NAB1: variants seen among roughly 807,000 people sequenced by gnomAD.
The protein encoded by NAB1 is NGFI-A binding protein 1, also known as NGFI-A-binding protein 1.
A neutral mutation model predicts 49.9 loss-of-function variants in NAB1; 25 were observed. That is an observed-to-expected ratio of 0.50 (90% confidence interval 0.37 to 0.70). NAB1 has a LOEUF of 0.70. Ranked by LOEUF, NAB1 falls within the 30% of genes least tolerant of loss-of-function variation. The probability of loss-of-function intolerance (pLI) is 0.00; values close to 1 mark genes in which losing one functional copy is unlikely to be tolerated. For missense variants in NAB1, 489 were observed against 575.9 expected, an observed-to-expected ratio of 0.85 and a Z score of 1.54; for synonymous variants, 198 against 215.6, an observed-to-expected ratio of 0.92 and a Z score of 0.71.
rs143006792 is a variant in NAB1, at chr2:190,674,683, A to G, written c.1005+1531A>G. 1.6e-4 allele frequency among the ~76,000 whole-genome samples: 25 copies of G among 152,336 alleles called. No individual in the cohort carries two copies. Among genetic ancestry groups the G allele is most frequent in the South Asian group, 6.2e-4 (3 of 4,826 alleles). On this transcript the variant is annotated intron_variant, in intron 6 of 9. Transcript: ENST00000337386. This position sits in a 1 kb window ranked among gnomAD's most constrained non-coding sequence, Gnocchi z 5.7. ...GGCTGCAGATAAGCATCTTTGACTT[A>G]TAAACACTTTATCTGAAAGCAGTGG...
chr2:190,673,351 A>G (rs1694913545), intron 6 of NAB1, 199 bp downstream of exon 6: 1 of 592,698 alleles, frequency 1.7e-6, no homozygotes, highest in Non-Finnish European at 2.9e-6. Context: ...CAGACCAAGG[A>G]AAATTTTTTT....
Position 190,654,156 on chromosome 2 carries a change from C to G in NAB1, c.-196-1821C>G, listed in dbSNP as rs1693806634. 6.6e-6 allele frequency among the ~76,000 whole-genome samples: 1 copy of G among 152,154 alleles called. No homozygotes were observed. Among genetic ancestry groups the G allele is most frequent in the Non-Finnish European group, 1.5e-5 (1 of 68,024 alleles). ...AATGGGGATAAAAGAGTAATGAAAC[C>G]TAATTCCTACCCTTGGGGTGCTTAT... On this transcript the variant is annotated intron_variant, in intron 2 of 9. Transcript: ENST00000337386. The surrounding 1 kb of genome is among the most constrained non-coding windows in gnomAD (Gnocchi z 5.6).
Position 190,670,115 on chromosome 2 carries a change from T to C in NAB1, c.820-211T>C, listed in dbSNP as rs935558903. On this transcript the variant is annotated intron_variant, in intron 4 of 9. Transcript: ENST00000337386. This position sits in a 1 kb window ranked among gnomAD's most constrained non-coding sequence, Gnocchi z 5.3. ...ATAAATAAAATCAAGATGACTATTA[T>C]GATTAATTTGGGCTCTGTGAGATGG... is the stretch of plus-strand genomic sequence containing the variant. 6.6e-6 allele frequency among the ~76,000 whole-genome samples: 1 copy of C among 152,184 alleles called. No individual in the cohort carries two copies. Among genetic ancestry groups the C allele is most frequent in the Non-Finnish European group, 1.5e-5 (1 of 68,024 alleles).
At chr2:190,672,566 A>G (rs1474755912) in intron 5 of NAB1, among the ~76,000 whole-genome samples, 3 of 152,220 alleles carry the variant, frequency 2.0e-5, no homozygotes, top group Admixed American at 2.0e-4. Flanking sequence ...TCATGTAGCC[A>G]TAAACATACA....
chr2:190,654,197 T>C lies in NAB1; in HGVS notation c.-196-1780T>C, dbSNP rs982073655. 5.9e-5 allele frequency among the ~76,000 whole-genome samples: 9 copies of C among 152,184 alleles called. No homozygotes were observed. Among genetic ancestry groups the C allele is most frequent in the Admixed American group, 1.3e-4 (2 of 15,280 alleles). Reference sequence around the variant, plus strand: ...GGGTGCTTATAACCTAACAGTGACTTGTTCTGCAGAGCCAGGCAGGTTGCC... The same window carrying C: ...GGGTGCTTATAACCTAACAGTGACTCGTTCTGCAGAGCCAGGCAGGTTGCC... On this transcript the variant is annotated intron_variant, in intron 2 of 9. Coordinates refer to ENST00000337386, the MANE Select transcript of NAB1 (RefSeq NM_005966.4). This position sits in a 1 kb window ranked among gnomAD's most constrained non-coding sequence, Gnocchi z 5.6.
At position 190,659,761 on chromosome 2, in the gene NAB1, T is replaced by C; in HGVS notation, c.585T>C (p.Ala195=). Residue 195 remains alanine (A), a synonymous_variant, in exon 4 of 10, where the codon GCT becomes GCC. Transcript: ENST00000337386. This position sits in a 1 kb window ranked among gnomAD's most constrained non-coding sequence, Gnocchi z 6.2. ...GCAGTGAGGCGCTGGATGCTGCTGC[T>C]GCGCTCTCTGTGGCTGAGTGTGTGG... ...KESSEALDAA[A]ALSVAECVER... The C allele has an allele frequency of 6.2e-7, 1 of 1,614,110 alleles. No homozygotes were observed. Among genetic ancestry groups the C allele is most frequent in the Middle Eastern group, 1.7e-4 (1 of 6,060 alleles).
intron 4 of NAB1, among the ~76,000 whole-genome samples, chr2:190,665,937 G>A (rs1329273008): frequency 6.6e-6 from 1 of 152,076 alleles, no homozygotes; most frequent in East Asian, 1.9e-4. Context: ...TGGGCTGTGG[G>A]CTTTGCCTCT....
chr2:190,667,922 C>CATATGA lies in NAB1; in HGVS notation c.820-2403_820-2398dup, dbSNP rs1406975116. Reference sequence around the variant, plus strand: ...ACAAACTTAAAAAAAAATCCCATTACATATGATGAAGAGTTAATGCTGTTA... The same window carrying CATATGA: ...ACAAACTTAAAAAAAAATCCCATTACATATGAATATGATGAAGAGTTAATGCTGTTA... On this transcript the variant is annotated intron_variant, in intron 4 of 9. Coordinates refer to ENST00000337386, the MANE Select transcript of NAB1 (RefSeq NM_005966.4). This position sits in a 1 kb window ranked among gnomAD's most constrained non-coding sequence, Gnocchi z 4.4. Among the ~76,000 whole-genome samples the CATATGA allele has an allele frequency of 1.3e-5, 2 of 151,974 alleles. No individual in the cohort carries two copies. Among genetic ancestry groups the CATATGA allele is most frequent in the Admixed American group, 6.6e-5 (1 of 15,262 alleles).
chr2:190,670,450 G>T lies in NAB1; in HGVS notation c.944G>T (p.Arg315Ile). Reference sequence around the variant, plus strand: ...GAAGTCACCTATAAATATACTTACAGAACCACCAAGTAAGTATTTAACTAA... The same window carrying T: ...GAAGTCACCTATAAATATACTTACATAACCACCAAGTAAGTATTTAACTAA... ...SREVTYKYTYRTTKSKCGERD... is the reference protein window; with the variant it reads ...SREVTYKYTYITTKSKCGERD... The change falls in exon 5 of 10, where the codon AGA (arginine) becomes ATA (isoleucine). Residue 315 changes from arginine (R) to isoleucine (I), a missense_variant. By Grantham distance (97) the Arg-to-Ile change is moderately conservative. Around this residue, in one of 4 missense-constraint regions of NAB1, gnomAD observed 212 missense variants for 199.3 expected, o/e 1.06. Coordinates refer to ENST00000337386, the MANE Select transcript of NAB1 (RefSeq NM_005966.4). This position sits in a 1 kb window ranked among gnomAD's most constrained non-coding sequence, Gnocchi z 5.3. The T allele has an allele frequency of 6.2e-7, 1 of 1,613,374 alleles. No homozygotes were observed. Among genetic ancestry groups the T allele is most frequent in the South Asian group, 1.1e-5 (1 of 90,916 alleles).
In NAB1 at chr2:190,682,282, C is replaced by T. The variant is rs1695387146; in HGVS notation, c.1006-1456C>T. ...CTCACTTGCTTTATCTCATTTGGTC[C>T]TCACAACAATCCTAATAGATAGGTT... On this transcript the variant is annotated intron_variant, in intron 6 of 9. Coordinates refer to ENST00000337386, the MANE Select transcript of NAB1 (RefSeq NM_005966.4). The surrounding 1 kb of genome is among the most constrained non-coding windows in gnomAD (Gnocchi z 4.1). 6.6e-6 allele frequency among the ~76,000 whole-genome samples: 1 copy of T among 152,120 alleles called. No individual in the cohort carries two copies. The highest frequency in any genetic ancestry group is 2.4e-5 in the African/African-American group (1 of 41,418).
rs1023469788 is a variant in NAB1 at position 190,674,526 on chromosome 2, A to G, written c.1005+1374A>G. 6.6e-6 allele frequency among the ~76,000 whole-genome samples: 1 copy of G among 152,214 alleles called. No homozygotes were observed. The highest frequency in any genetic ancestry group is 2.4e-5 in the African/African-American group (1 of 41,456). On this transcript the variant is annotated intron_variant, in intron 6 of 9. Coordinates refer to ENST00000337386, the MANE Select transcript of NAB1 (RefSeq NM_005966.4). This position sits in a 1 kb window ranked among gnomAD's most constrained non-coding sequence, Gnocchi z 5.7. ...TGAAACTGTTAGTTACTTGTTTTAA[A>G]TTTATTATCAGTCTGCCCCATTAGA...
rs760392351 is a variant in NAB1 at position 190,690,659 on chromosome 2, A to G, written c.*326A>G. 2.2e-4 allele frequency: 41 copies of G among 189,254 alleles called. No individual in the cohort carries two copies. Among genetic ancestry groups the G allele is most frequent in the Non-Finnish European group, 4.3e-4 (39 of 91,128 alleles). The allele number at this position is 189,254 out of a possible 1,614,324, so 11.7% of individuals were successfully genotyped here. On this transcript the variant is annotated 3_prime_UTR_variant, in exon 10 of 10. Coordinates refer to ENST00000337386, the MANE Select transcript of NAB1 (RefSeq NM_005966.4). ...TGTACAATGTATTTGTGTAATTTAT[A>G]GAAGTAAAATCTAGATGTTGAGACC...
rs1264056850 is a variant in NAB1 at position 190,657,810 on chromosome 2, T to G, written c.-19-1348T>G. ...AAACAAAAGTCCCAAGTTCAGTGAC[T>G]TCTTGGCTTTCAGGGACGTCCCAGT... On this transcript the variant is annotated intron_variant, in intron 3 of 9. Coordinates refer to ENST00000337386, the MANE Select transcript of NAB1 (RefSeq NM_005966.4). This position sits in a 1 kb window ranked among gnomAD's most constrained non-coding sequence, Gnocchi z 4.4. Among the ~76,000 whole-genome samples, 3 of 152,192 alleles carry G rather than the reference T, an allele frequency of 2.0e-5. No individual in the cohort carries two copies. The highest frequency in any genetic ancestry group is 4.4e-5 in the Non-Finnish European group (3 of 68,040).
rs1307659967 is a variant in NAB1, at chr2:190,692,015, A to T, written c.*1682A>T. Reference sequence around the variant, plus strand: ...TTCCTAAATGTTTTAATTGTACCATAGTGTTTTGCTCACTGAAGAAGCTTC... The same window carrying T: ...TTCCTAAATGTTTTAATTGTACCATTGTGTTTTGCTCACTGAAGAAGCTTC... On this transcript the variant is annotated 3_prime_UTR_variant, in exon 10 of 10. Transcript: ENST00000337386. This position sits in a 1 kb window ranked among gnomAD's most constrained non-coding sequence, Gnocchi z 5.2. The T allele has an allele frequency of 6.6e-6, 1 of 152,584 alleles. No homozygotes were observed. The highest frequency in any genetic ancestry group is 1.5e-5 in the Non-Finnish European group (1 of 68,006). 9.5% of individuals were successfully genotyped at this position (152,584 alleles called of 1,614,324 possible).
chr2:190,665,619 G>C (rs1559234596), intron 4 of NAB1, among the ~76,000 whole-genome samples: 2 of 152,120 alleles, frequency 1.3e-5, no homozygotes, highest in Admixed American at 6.6e-5. Flanking sequence ...TGGAGTCCCG[G>C]GAAGAAAGTG....
rs989539206 is a variant in NAB1 at position 190,652,990 on chromosome 2, T to G, written c.-196-2987T>G. 6.6e-6 allele frequency among the ~76,000 whole-genome samples: 1 copy of G among 152,250 alleles called. No individual in the cohort carries two copies. Among genetic ancestry groups the G allele is most frequent in the African/African-American group, 2.4e-5 (1 of 41,466 alleles). ...CAACACAAATGCATAAACTTTCTTA[T>G]CAGCTATCGTTAGTGTATTTTTTGT... On this transcript the variant is annotated intron_variant, in intron 2 of 9. Coordinates refer to ENST00000337386, the MANE Select transcript of NAB1 (RefSeq NM_005966.4). This position sits in a 1 kb window ranked among gnomAD's most constrained non-coding sequence, Gnocchi z 4.2.
At position 190,669,089 on chromosome 2, in the gene NAB1, A is replaced by G. The variant is rs1694671460; in HGVS notation, c.820-1237A>G. ...AGTCCATCTGTTGACTGAGATGGCCACCAAGTGACTGACAGCCAGGAGTAT... is the reference window on the plus strand; with the variant it reads ...AGTCCATCTGTTGACTGAGATGGCCGCCAAGTGACTGACAGCCAGGAGTAT... On this transcript the variant is annotated intron_variant, in intron 4 of 9. Coordinates refer to ENST00000337386, the MANE Select transcript of NAB1 (RefSeq NM_005966.4). The surrounding 1 kb of genome is among the most constrained non-coding windows in gnomAD (Gnocchi z 4.3). Among the ~76,000 whole-genome samples the G allele has an allele frequency of 6.6e-6, 1 of 152,232 alleles. No individual in the cohort carries two copies. Among genetic ancestry groups the G allele is most frequent in the Non-Finnish European group, 1.5e-5 (1 of 68,044 alleles).
chr2:190,673,250 A>T (rs1418587532), intron 6 of NAB1, 98 bp downstream of exon 6: 2 of 1,099,494 alleles, frequency 1.8e-6, no homozygotes, highest in Non-Finnish European at 2.7e-6. Context: ...AGATGGTCCC[A>T]TAAACTAGTG....
rs934342260 is a variant in NAB1 at position 190,675,080 on chromosome 2, G to A, written c.1005+1928G>A. On this transcript the variant is annotated intron_variant, in intron 6 of 9. Transcript: ENST00000337386. This position sits in a 1 kb window ranked among gnomAD's most constrained non-coding sequence, Gnocchi z 5.2. ...GGTCCTTGTGGATTTGGCTGTTAAT[G>A]ACTCACTGCCACTGAAAGGGAAAGG... Among the ~76,000 whole-genome samples the A allele has an allele frequency of 3.3e-5, 5 of 152,320 alleles. 1 individual carries two copies. The highest frequency in any genetic ancestry group is 3.3e-4 in the Admixed American group (5 of 15,304).
Sources: allele counts gnomAD v4.1 joint callset (sites outside exome capture counted in the v4.1 genomes callset), GRCh38; gene constraint gnomAD v4.1.1; regional missense constraint gnomAD v4.1.1; non-coding constraint Gnocchi (gnomAD v3.1); transcripts MANE v1.5; gene names NCBI Gene and HGNC (gene_info 2026-07-23, HGNC 2026-07-21).